Variants in GOLGB1 observed in about 807,000 individuals in gnomAD.
The protein encoded by GOLGB1 is golgin B1.
GOLGB1 carries 174 observed loss-of-function variants against 336.9 expected under a neutral mutation model. That is an observed-to-expected ratio of 0.52 (90% CI 0.46 to 0.59). GOLGB1 has a LOEUF of 0.59. Ranked by LOEUF, GOLGB1 falls within the 20% of genes least tolerant of loss-of-function variation. The pLI, the probability that GOLGB1 is intolerant of heterozygous loss-of-function variation, is 0.00. For missense variants in GOLGB1, 3,331 were observed against 3,645.3 expected (o/e 0.91, Z 2.22); for synonymous variants, 1,208 against 1,289.2 (o/e 0.94, Z 1.35).
intron 18 of GOLGB1, 44 bp from the exon 19 acceptor site, chr3:121,668,202 A>C: frequency 8.5e-7 from 1 of 1,172,536 alleles, no homozygotes; most frequent in East Asian, 2.4e-5. Context: ...GAAAGCTCTT[A>C]AGAAAGTGTA....
chr3:121,715,464 C>G (rs980603912), intron 9 of GOLGB1, among the ~76,000 whole-genome samples: 1 of 151,306 alleles, frequency 6.6e-6, no homozygotes, highest in Non-Finnish European at 1.5e-5. Flanking sequence ...TAATCCCCCC[C>G]ACCTTGACCT....
In GOLGB1 at chr3:121,695,400, A is replaced by AC; in HGVS notation, c.5122dup (p.Val1708GlyfsTer9). 1.2e-6 allele frequency: 2 copies of AC among 1,613,976 alleles called. No individual in the cohort carries two copies. Among genetic ancestry groups the AC allele is most frequent in the Non-Finnish European group, 1.7e-6 (2 of 1,179,958 alleles). On this transcript the variant is annotated frameshift_variant, in exon 13 of 22. Transcript: ENST00000614479. LOFTEE classifies it high-confidence loss of function. ...TTTAGCTGTATCTCCTGCAGGGTGC[A>AC]CCTCTGCCCTAAGCCGGTCATTCTC... is the stretch of plus-strand genomic sequence containing the variant.
chr3:121,729,015 C>G (rs577322220), intron 4 of GOLGB1, 173 bp downstream of exon 4: 29 of 434,694 alleles, frequency 6.7e-5, no homozygotes, highest in African/African-American at 5.7e-4. Flanking sequence ...TTCATTCTCC[C>G]TGTGTGTGGC....
intron 10 of GOLGB1, among the ~76,000 whole-genome samples, chr3:121,705,921 A>G (rs897092264): frequency 6.6e-6 from 1 of 152,220 alleles, no homozygotes; most frequent in African/African-American, 2.4e-5. Flanking sequence ...CTGAGCACTG[A>G]TTCGAACCCT....
chr3:121,686,436 C>T lies in GOLGB1; in HGVS notation c.8694+4234G>A, dbSNP rs74895657. On this transcript the variant is annotated intron_variant, in intron 14 of 21. Transcript: ENST00000614479. ...AGCCTATCCTCTTTTTCTCCTCCTT[C>T]TCAGTCCCTTTTATTTTATCTTGAA... is the stretch of plus-strand genomic sequence containing the variant. Among the ~76,000 whole-genome samples, 377 of 152,314 alleles carry T rather than the reference C, an allele frequency of 2.5e-3. 9 individuals are homozygous for T. The East Asian group carries it at 0.054, about 22-fold the overall frequency.
intron 7 of GOLGB1, 126 bp downstream of exon 7, chr3:121,719,520 C>G: frequency 1.8e-6 from 1 of 556,830 alleles, no homozygotes. Context: ...GACAAGGACA[C>G]AAAAGAGGCC....
chr3:121,735,628 G>A (rs1946419326), intron 1 of GOLGB1, among the ~76,000 whole-genome samples: 1 of 152,140 alleles, frequency 6.6e-6, no homozygotes, highest in African/African-American at 2.4e-5. Flanking sequence ...AATAAGGCAA[G>A]AAAGCTAGGA....
At position 121,726,433 on chromosome 3, in the gene GOLGB1, C is replaced by CA. The variant is rs10547964; in HGVS notation, c.531+479dup. Among the ~76,000 whole-genome samples, 569 of 61,410 alleles carry CA rather than the reference C, an allele frequency of 9.3e-3. 15 individuals are homozygous for CA. The highest frequency in any genetic ancestry group is 0.021 in the South Asian group (35 of 1,690). 40.3% of individuals were successfully genotyped at this position (61,410 alleles called of 152,430 possible). A position where few individuals can be genotyped will look rare whatever the true frequency, so the allele number is the denominator to read the frequency against. ...TGGCCAACAGAGTGACACCCTGTCT[C>CA]AAAAAAAAAAAAAAAAAAAAAGAAA... On this transcript the variant is annotated intron_variant, in intron 5 of 21. Coordinates refer to ENST00000614479, the MANE Select transcript of GOLGB1 (RefSeq NM_001366282.2).
chr3:121,721,077 T>C (rs1945159634), intron 6 of GOLGB1, among the ~76,000 whole-genome samples: 1 of 152,152 alleles, frequency 6.6e-6, no homozygotes, highest in Non-Finnish European at 1.5e-5. Context: ...GCACTGTATA[T>C]AGTGCTTATA....
intron 3 of GOLGB1, among the ~76,000 whole-genome samples, chr3:121,729,554 G>A (rs935087808): frequency 6.6e-5 from 10 of 152,036 alleles, no homozygotes; most frequent in African/African-American, 2.2e-4. Context: ...GGGACTACAG[G>A]TGCCCAATAC....
rs1270435306 is a variant in GOLGB1 at position 121,692,114 on chromosome 3, T to C, written c.7250A>G (p.Glu2417Gly). The stretch of plus-strand genomic sequence containing the variant: ...CTCCTGGGACAGCAGGTTTTCCAGC[T>C]CTTTAATTTCTTTATCATGTTGCTG... ...LRQQHDKEIK[E>G]LENLLSQEEE... Residue 2417 changes from glutamate to glycine, a missense_variant, in exon 14 of 22, where the codon GAG (glutamate) becomes GGG (glycine). By Grantham distance (98) the Glu-to-Gly change is moderately conservative. Transcript: ENST00000614479. 5.0e-6 allele frequency: 8 copies of C among 1,613,336 alleles called. No homozygotes were observed. The highest frequency in any genetic ancestry group is 1.3e-5 in the African/African-American group (1 of 74,884).
At chr3:121,742,227 C>T (rs540238097) in intron 1 of GOLGB1, among the ~76,000 whole-genome samples, 36 of 152,214 alleles carry the variant, frequency 2.4e-4, no homozygotes, top group African/African-American at 7.2e-4. Context: ...TACTACAAGG[C>T]GACAGTAAGC....
At chr3:121,708,517 C>T (rs766924250) in intron 10 of GOLGB1, among the ~76,000 whole-genome samples, 3 of 152,004 alleles carry the variant, frequency 2.0e-5, no homozygotes, top group African/African-American at 4.8e-5. Context: ...CCTGTGGTCC[C>T]AGCTATTCAG....
intron 17 of GOLGB1, among the ~76,000 whole-genome samples, chr3:121,670,512 G>T (rs955528466): frequency 6.6e-6 from 1 of 152,048 alleles, no homozygotes; most frequent in African/African-American, 2.4e-5. Context: ...TCAGATGTAG[G>T]GTTGTTTTTT....
At chr3:121,728,605 C>T (rs114551904) in intron 4 of GOLGB1, among the ~76,000 whole-genome samples, 168 of 152,294 alleles carry the variant, frequency 1.1e-3, no homozygotes, top group African/African-American at 3.8e-3. Context: ...CAATATTCCT[C>T]ACAGGGCAGT....
intron 1 of GOLGB1, among the ~76,000 whole-genome samples, chr3:121,732,061 C>T (rs567593144): frequency 1.3e-5 from 2 of 152,036 alleles, no homozygotes; most frequent in Non-Finnish European, 2.9e-5. Flanking sequence ...TAAGTTCATC[C>T]ATGTAGATAA....
chr3:121,734,205 C>T (rs1946323487), intron 1 of GOLGB1, among the ~76,000 whole-genome samples: 1 of 151,986 alleles, frequency 6.6e-6, no homozygotes, highest in African/African-American at 2.4e-5. Flanking sequence ...GCCTGGCCAA[C>T]ATGGCAAAAC....
chr3:121,690,535 G>A (rs970470366), intron 14 of GOLGB1, 135 bp downstream of exon 14: 26 of 461,722 alleles, frequency 5.6e-5, no homozygotes, highest in African/African-American at 4.6e-4. Flanking sequence ...AACAGAACCT[G>A]TGGGATACAT....
chr3:121,696,064 G>C lies in GOLGB1; in HGVS notation c.4459C>G (p.Gln1487Glu). 6.2e-7 allele frequency: 1 copy of C among 1,613,872 alleles called. No homozygotes were observed. The highest frequency in any genetic ancestry group is 8.5e-7 in the Non-Finnish European group (1 of 1,179,958). ...ATAAGGGCAGCTTGCAGTTTCCTTT[G>C]TATTTGTTGCTTTGCTCTACTTTCT... ...GEESRAKQQI[Q>E]RKLQAALISR... The change falls in exon 13 of 22, where the codon CAA becomes GAA. Residue 1487 changes from glutamine to glutamate, a missense_variant. Physicochemically the swap from Gln to Glu is conservative, Grantham distance 29 (BLOSUM62 2). Coordinates refer to ENST00000614479, the MANE Select transcript of GOLGB1 (RefSeq NM_001366282.2).
Sources: allele counts gnomAD v4.1 joint callset (sites outside exome capture counted in the v4.1 genomes callset), GRCh38; gene constraint gnomAD v4.1.1; transcripts MANE v1.5; gene names NCBI Gene and HGNC (gene_info 2026-07-23, HGNC 2026-07-21).